The following TRIM3 variants were observed in gnomAD, a reference collection of about 807,000 sequenced individuals.
The protein encoded by TRIM3 is tripartite motif-containing protein 3.
Under a neutral mutation model 66.6 loss-of-function variants are expected in TRIM3, and 13 were observed. That is an observed-to-expected ratio of 0.20 (90% CI 0.13 to 0.31). The LOEUF (loss-of-function observed/expected upper bound fraction) is 0.31. Among genes scored for constraint, TRIM3 ranks in the 10% least tolerant of loss-of-function variants. TRIM3 has a pLI of 1.00. For missense variants in TRIM3, 711 were observed against 1,020.4 expected (o/e 0.70, Z 4.13); for synonymous variants, 406 against 411.7 (o/e 0.99, Z 0.17).
chr11:6,464,414 G>A (rs1850359435), intron 2 of TRIM3, among the ~76,000 whole-genome samples: 1 of 152,116 alleles, frequency 6.6e-6, no homozygotes, highest in African/African-American at 2.4e-5. Flanking sequence ...GCTCCTCAGG[G>A]AAACCTTCCC....
At chr11:6,459,907 C>G (rs142025706) in intron 2 of TRIM3, among the ~76,000 whole-genome samples, 123 of 152,216 alleles carry the variant, frequency 8.1e-4, no homozygotes, top group African/African-American at 2.7e-3. Flanking sequence ...CAATAAACAC[C>G]CAGGTTGAGG....
chr11:6,458,256 A>C lies in TRIM3; in HGVS notation c.172T>G (p.Ser58Ala). The part of the protein sequence containing the change: ...NYIPAQSLTL[S>A]CPVCRQTSIL... ...GACGTCTGCCGGCATACTGGACAGG[A>C]TAGCGTCAGGCTCTGGGCAGGGATA... Residue 58 changes from serine (S) to alanine (A), a missense_variant, in exon 3 of 12, where the codon TCC becomes GCC. By Grantham distance (99) the Ser-to-Ala change is moderately conservative. Around this residue, in one of 3 missense-constraint regions of TRIM3, gnomAD observed 149 missense variants for 240.3 expected, o/e 0.62. Transcript: ENST00000345851. The surrounding 1 kb of genome is among the most constrained non-coding windows in gnomAD (Gnocchi z 6.2). 1.2e-6 allele frequency: 2 copies of C among 1,614,208 alleles called. No homozygotes were observed. The highest frequency in any genetic ancestry group is 1.7e-6 in the Non-Finnish European group (2 of 1,180,026).
In TRIM3 at chr11:6,449,683, T is replaced by C. The variant is rs1297700551; in HGVS notation, c.1942-237A>G. The C allele has an allele frequency of 6.5e-6, 3 of 464,312 alleles. No individual in the cohort carries two copies. Among genetic ancestry groups the C allele is most frequent in the South Asian group, 7.8e-5 (2 of 25,498 alleles). The allele number at this position is 464,312 out of a possible 1,614,324, so 28.8% of individuals were successfully genotyped here. ...CATTTTCTTTGGGAAATCAGTTCTCTTAGTTCTCTATCTCAATGACTGGTG... is the reference window on the plus strand; with the variant it reads ...CATTTTCTTTGGGAAATCAGTTCTCCTAGTTCTCTATCTCAATGACTGGTG... On this transcript the variant is annotated intron_variant, in intron 10 of 11. Transcript: ENST00000345851. The surrounding 1 kb of genome is among the most constrained non-coding windows in gnomAD (Gnocchi z 5.3).
intron 2 of TRIM3, among the ~76,000 whole-genome samples, chr11:6,464,888 G>A (rs1193532600): frequency 6.6e-6 from 1 of 150,782 alleles, no homozygotes; most frequent in Non-Finnish European, 1.5e-5. Flanking sequence ...TCCGGAGGCT[G>A]AGGCAGGAGA....
At position 6,453,647 on chromosome 11, in the gene TRIM3, A is replaced by G. The variant is rs2723650; in HGVS notation, c.1534-2209T>C. On this transcript the variant is annotated intron_variant, in intron 7 of 11. Transcript: ENST00000345851. ...TGCCTAAGGGAATGAGGGAGTTTTCACAGAAGAGCTGATAAAACTGGAAGC... is the reference window on the plus strand; with the variant it reads ...TGCCTAAGGGAATGAGGGAGTTTTCGCAGAAGAGCTGATAAAACTGGAAGC... Among the ~76,000 whole-genome samples the G allele has an allele frequency of 1.5e-3, 222 of 152,372 alleles. 1 individual carries two copies. Among genetic ancestry groups the G allele is most frequent in the African/African-American group, 5.0e-3 (208 of 41,588 alleles).
rs533750138 is a variant in TRIM3, at chr11:6,457,450, G to T, written c.542C>A (p.Ala181Asp). 1.2e-6 allele frequency: 2 copies of T among 1,613,020 alleles called. No individual in the cohort carries two copies. The highest frequency in any genetic ancestry group is 2.2e-5 in the South Asian group (2 of 91,028). ...CTGCTGGCTGATGCCCCCGACTAAG[G>T]CAATTGCTGCGGACAGCTGTGGCAA... ...GRLPQLSAAI[A>D]LVGGISQQLQ... The change falls in exon 5 of 12, where the codon GCC becomes GAC. Residue 181 changes from alanine (A) to aspartate (D), a missense_variant. Ala to Asp is a moderately radical substitution (Grantham distance 126). This residue lies in a region of TRIM3 where 399 missense variants were observed against 458.1 expected (regional missense o/e 0.87). Coordinates refer to ENST00000345851, the MANE Select transcript of TRIM3 (RefSeq NM_033278.4). This position sits in a 1 kb window ranked among gnomAD's most constrained non-coding sequence, Gnocchi z 4.5.
intron 2 of TRIM3, among the ~76,000 whole-genome samples, chr11:6,460,441 G>T (rs1298798056): frequency 2.6e-5 from 4 of 152,046 alleles, no homozygotes; most frequent in African/African-American, 9.7e-5. Flanking sequence ...GAGAAGGAGA[G>T]GGGGAAGAGA....
chr11:6,449,598 C>G lies in TRIM3; in HGVS notation c.1942-152G>C, dbSNP rs774961980. ...GCTTCATAGGCTTCACATCCATGTG[C>G]CCTACTGCCTAGTAGACATCTCTTG... is the stretch of plus-strand genomic sequence containing the variant. On this transcript the variant is annotated intron_variant, in intron 10 of 11. Coordinates refer to ENST00000345851, the MANE Select transcript of TRIM3 (RefSeq NM_033278.4). The surrounding 1 kb of genome is among the most constrained non-coding windows in gnomAD (Gnocchi z 5.3). 380 of 652,108 alleles carry G rather than the reference C, an allele frequency of 5.8e-4. No homozygotes were observed. The highest frequency in any genetic ancestry group is 6.7e-4 in the Non-Finnish European group (256 of 383,964). 40.4% of individuals were successfully genotyped at this position (652,108 alleles called of 1,614,324 possible).
intron 1 of TRIM3, among the ~76,000 whole-genome samples, chr11:6,468,397 G>A (rs112139838): frequency 2.8e-4 from 42 of 152,196 alleles, no homozygotes; most frequent in African/African-American, 9.9e-4. Flanking sequence ...GGGATCACTA[G>A]CATATAAATG....
chr11:6,464,812 C>T (rs1334826790), intron 2 of TRIM3, among the ~76,000 whole-genome samples: 1 of 151,990 alleles, frequency 6.6e-6, no homozygotes, highest in East Asian at 1.9e-4. Flanking sequence ...CACGGTGAAA[C>T]CCCATCTGTA....
At position 6,449,301 on chromosome 11, in the gene TRIM3, C is replaced by T. The variant is rs780074606; in HGVS notation, c.2082+5G>A. On this transcript the variant is annotated splice_donor_5th_base_variant and intron_variant, in intron 11 of 11. Transcript: ENST00000345851. This position sits in a 1 kb window ranked among gnomAD's most constrained non-coding sequence, Gnocchi z 5.3. ...CCCCTCATGTCATTCCCAGGCCTTA[C>T]TCACCTGGATGCGGCTGTTGCCCCA... The T allele has an allele frequency of 6.2e-7, 1 of 1,613,400 alleles. No individual in the cohort carries two copies.
In TRIM3 at chr11:6,456,876, G is replaced by T. The variant is rs1166822281; in HGVS notation, c.850C>A (p.Gln284Lys). The change falls in exon 6 of 12, where the codon CAG becomes AAG. Residue 284 changes from glutamine to lysine, a missense_variant. This residue lies in a region of TRIM3 where 399 missense variants were observed against 458.1 expected (regional missense o/e 0.87). Coordinates refer to ENST00000345851, the MANE Select transcript of TRIM3 (RefSeq NM_033278.4). This position sits in a 1 kb window ranked among gnomAD's most constrained non-coding sequence, Gnocchi z 6.4. ...TCATGTGGCCGCTCCGGGAAGGCCTGTGCCGCCAATGCAGCCAGCCGCTCT... is the reference window on the plus strand; with the variant it reads ...TCATGTGGCCGCTCCGGGAAGGCCTTTGCCGCCAATGCAGCCAGCCGCTCT... ...MRERLAALAA[Q>K]AFPERPHENA... is the part of the protein sequence containing the mutation. The T allele has an allele frequency of 6.2e-7, 1 of 1,612,386 alleles. No homozygotes were observed. The highest frequency in any genetic ancestry group is 2.2e-5 in the East Asian group (1 of 44,900).
intron 1 of TRIM3, among the ~76,000 whole-genome samples, chr11:6,470,185 A>G (rs1850625424): frequency 6.6e-6 from 1 of 152,182 alleles, no homozygotes; most frequent in African/African-American, 2.4e-5. Context: ...CAAGGACGGA[A>G]AATTAAGAAA....
At chr11:6,467,448 G>A (rs1401525562) in intron 1 of TRIM3, among the ~76,000 whole-genome samples, 3 of 152,212 alleles carry the variant, frequency 2.0e-5, no homozygotes, top group Non-Finnish European at 4.4e-5. Context: ...ATGAGATCAT[G>A]AAGGACCTTA....
Position 6,451,414 on chromosome 11 carries a change from T to C in TRIM3, c.1558A>G (p.Lys520Glu). 1 of 1,614,124 alleles carries C rather than the reference T, an allele frequency of 6.2e-7. No homozygotes were observed. Among genetic ancestry groups the C allele is most frequent in the Non-Finnish European group, 8.5e-7 (1 of 1,180,022 alleles). Residue 520 changes from lysine (K) to glutamate (E), a missense_variant, in exon 8 of 12, where the codon AAG (lysine) becomes GAG (glutamate). By Grantham distance (56) the Lys-to-Glu change is moderately conservative (BLOSUM62 1). Around this residue, in one of 3 missense-constraint regions of TRIM3, gnomAD observed 163 missense variants for 321.9 expected, o/e 0.51. Transcript: ENST00000345851. ...CGTCCTCGGACCCCAAAACGGAACT[T>C]GAACTGGCCCTCATTGGAGAAAACC... Reference protein sequence around the residue: ...IQVFSNEGQFKFRFGVRGRSP... With the variant: ...IQVFSNEGQFEFRFGVRGRSP...
At chr11:6,474,215 G>C (rs1261458335), upstream of TRIM3, 1 of 152,224 alleles carries the variant, frequency 6.6e-6, no homozygotes, top group Non-Finnish European at 1.5e-5. Context: ...GGGAAGGGCG[G>C]TGTAGTCGGT....
Position 6,451,308 on chromosome 11 carries a change from C to T in TRIM3, c.1664G>A (p.Arg555His), listed in dbSNP as rs1224652817. ...CTCAGGGGAGAAGATGCTGACCCAA[C>T]GGTTGTCATAGTCTGCCACAATTAT... ...GDIIVADYDNRWVSIFSPEGK... is the reference protein window; with the variant it reads ...GDIIVADYDNHWVSIFSPEGK... Residue 555 changes from arginine (R) to histidine (H), a missense_variant, in exon 8 of 12, where the codon CGT becomes CAT. By Grantham distance (29) the Arg-to-His change is conservative (BLOSUM62 0). Transcript: ENST00000345851. 6.8e-6 allele frequency: 11 copies of T among 1,614,058 alleles called. No homozygotes were observed. The highest frequency in any genetic ancestry group is 1.7e-5 in the Admixed American group (1 of 60,010).
chr11:6,464,986 C>CAAAAAAAAAAAAAAAAAAAAAAA (rs544959608), intron 2 of TRIM3, among the ~76,000 whole-genome samples: 1 of 54,176 alleles, frequency 1.8e-5, no homozygotes, highest in Non-Finnish European at 3.3e-5. Context: ...GACTCCATCT[C>CAAAAAAAAAAAAAAAAAAAAAAA]AAAAAAAAAA....
chr11:6,451,171 A>C, intron 8 of TRIM3, 100 bp downstream of exon 8: 1 of 1,582,758 alleles, frequency 6.3e-7, no homozygotes, highest in Non-Finnish European at 8.6e-7. Context: ...GAGTAGGAGG[A>C]GGTAGGATTG....
Sources: gnomAD v4.1 joint callset for allele counts (sites outside exome capture counted in the v4.1 genomes callset) on GRCh38, gnomAD v4.1.1 for gene constraint, gnomAD v4.1.1 regional missense constraint, Gnocchi (gnomAD v3.1) non-coding constraint, MANE v1.5 for transcripts, NCBI Gene and HGNC (gene_info 2026-07-23, HGNC 2026-07-21) for gene names.